The following RORA variants were observed in gnomAD, a reference collection of about 807,000 sequenced individuals.
The protein encoded by RORA is RAR related orphan receptor A, also known as nuclear receptor ROR-alpha.
RORA carries 7 observed loss-of-function variants against 69.5 expected under a neutral mutation model. The ratio of observed to expected loss-of-function variants is 0.10; its 90% confidence interval spans 0.06 to 0.19. The LOEUF (loss-of-function observed/expected upper bound fraction) is 0.19. Among genes scored for constraint, RORA ranks in the 10% least tolerant of loss-of-function variants. The pLI, the probability that RORA is intolerant of heterozygous loss-of-function variation, is 1.00. For missense variants in RORA, 457 were observed against 663.0 expected (o/e 0.69, Z 3.41); for synonymous variants, 261 against 240.8 (o/e 1.08, Z -0.78).
chr15:60,571,576 G>C (rs2067882609), intron 2 of RORA, among the ~76,000 whole-genome samples: 1 of 152,154 alleles, frequency 6.6e-6, no homozygotes, highest in African/African-American at 2.4e-5. Context: ...GGCAGTCTTA[G>C]ATGAAGCATG....
chr15:60,522,485 A>G (rs1595906376), intron 3 of RORA, among the ~76,000 whole-genome samples: 1 of 151,826 alleles, frequency 6.6e-6, no homozygotes, highest in Admixed American at 6.6e-5. Flanking sequence ...TGAGGCAGGA[A>G]GGTGATGGCC....
At chr15:60,695,773 G>A (rs974886796) in intron 1 of RORA, among the ~76,000 whole-genome samples, 1 of 152,010 alleles carries the variant, frequency 6.6e-6, no homozygotes, top group Non-Finnish European at 1.5e-5. Context: ...CTTACTGAAG[G>A]GTGCTTTAAA....
At chr15:61,006,895 T>A (rs1416666931) in intron 1 of RORA, among the ~76,000 whole-genome samples, 1 of 152,128 alleles carries the variant, frequency 6.6e-6, no homozygotes, top group Non-Finnish European at 1.5e-5. Flanking sequence ...TCTTGAAGTG[T>A]CACAAAAATC....
chr15:60,945,156 A>G (rs986665696), intron 1 of RORA, among the ~76,000 whole-genome samples: 5 of 152,182 alleles, frequency 3.3e-5, no homozygotes, highest in African/African-American at 1.2e-4. Flanking sequence ...AACCTATAAA[A>G]TATAATTTCC....
intron 1 of RORA, among the ~76,000 whole-genome samples, chr15:61,018,004 G>A (rs1421289143): frequency 6.6e-6 from 1 of 152,134 alleles, no homozygotes; most frequent in Admixed American, 6.5e-5. Context: ...CAACCTACAT[G>A]ACATAAGCTC....
intron 1 of RORA, among the ~76,000 whole-genome samples, chr15:61,227,700 A>G (rs2080160513): frequency 6.6e-6 from 1 of 151,884 alleles, no homozygotes; most frequent in Non-Finnish European, 1.5e-5. Flanking sequence ...GCCCTCCCCA[A>G]CCGCCGCCAG....
intron 1 of RORA, among the ~76,000 whole-genome samples, chr15:61,214,525 C>G (rs1200479310): frequency 6.6e-6 from 1 of 152,214 alleles, no homozygotes; most frequent in South Asian, 2.1e-4. Flanking sequence ...AATCTCATCT[C>G]TATGGACAAG....
intron 1 of RORA, among the ~76,000 whole-genome samples, chr15:60,716,269 A>C (rs907900757): frequency 6.6e-6 from 1 of 152,172 alleles, no homozygotes; most frequent in African/African-American, 2.4e-5. Flanking sequence ...TATGGCTAGG[A>C]TGGTAGACTT....
At chr15:60,580,416 T>G (rs1342747794) in intron 2 of RORA, among the ~76,000 whole-genome samples, 1 of 152,244 alleles carries the variant, frequency 6.6e-6, no homozygotes, top group African/African-American at 2.4e-5. Flanking sequence ...TTCTCAAGCA[T>G]AATTCCAATC....
chr15:60,873,658 G>C (rs1266078105), intron 1 of RORA, among the ~76,000 whole-genome samples: 1 of 152,112 alleles, frequency 6.6e-6, no homozygotes, highest in Admixed American at 6.5e-5. Context: ...AAACTTAGGG[G>C]GGAAAGCTGC....
intron 1 of RORA, among the ~76,000 whole-genome samples, chr15:60,961,917 C>T (rs758170406): frequency 1.1e-4 from 16 of 152,270 alleles, no homozygotes; most frequent in Admixed American, 3.3e-4. Flanking sequence ...CATATAAACA[C>T]GGAAGGCCTG....
chr15:60,555,830 A>AAACAT (rs2067342099), intron 2 of RORA, among the ~76,000 whole-genome samples: 1 of 152,142 alleles, frequency 6.6e-6, no homozygotes, highest in Non-Finnish European at 1.5e-5. Context: ...GTTTTTTCAA[A>AAACAT]TGCTGGAAAT....
intron 1 of RORA, among the ~76,000 whole-genome samples, chr15:61,139,527 G>T (rs2079277976): frequency 6.6e-6 from 1 of 152,232 alleles, no homozygotes; most frequent in African/African-American, 2.4e-5. Context: ...TGGATTTGCA[G>T]GTGAGAAAAT....
intron 1 of RORA, among the ~76,000 whole-genome samples, chr15:61,204,325 T>A (rs1394912592): frequency 6.6e-6 from 1 of 152,156 alleles, no homozygotes; most frequent in Admixed American, 6.5e-5. Context: ...ACTTAGGAGG[T>A]GCTGCATAAA....
Position 60,890,871 on chromosome 15 carries a change from G to A in RORA, c.167-212185C>T, listed in dbSNP as rs1328495171. On this transcript the variant is annotated intron_variant, in intron 1 of 10. Coordinates refer to ENST00000335670, the MANE Select transcript of RORA (RefSeq NM_134261.3). ...ACAAAACCATACCAAGTTGAAACCA[G>A]AGCAGAAGATATTAATGCAGTGCTC... Among the ~76,000 whole-genome samples the A allele has an allele frequency of 2.6e-5, 4 of 152,292 alleles. No individual in the cohort carries two copies. The South Asian group carries it at 8.3e-4, about 32-fold the overall frequency.
intron 2 of RORA, among the ~76,000 whole-genome samples, chr15:60,542,645 C>G (rs74890957): frequency 0.11 from 13,480 of 119,900 alleles, 845 homozygotes; most frequent in Middle Eastern, 0.19. Flanking sequence ...TCACACACGA[C>G]ACACGGGCAC....
At chr15:60,592,435 G>T (rs749312956) in intron 2 of RORA, 1 of 1,421,350 alleles carries the variant, frequency 7.0e-7, no homozygotes. Context: ...GCGGTGCGGA[G>T]AGCGCAGGGA....
rs2065020928 is a variant in RORA at position 60,490,305 on chromosome 15, C to CA, written c.*7149dup. On this transcript the variant is annotated 3_prime_UTR_variant, in exon 11 of 11. Transcript: ENST00000335670. The surrounding 1 kb of genome is among the most constrained non-coding windows in gnomAD (Gnocchi z 4.1). The stretch of plus-strand genomic sequence containing the variant: ...TCTAGCACCACACATCAGAAAAACA[C>CA]AAAAATAGCACACTCTAGTTCTAAA... 6.6e-6 allele frequency: 1 copy of CA among 151,812 alleles called. No individual in the cohort carries two copies. Among genetic ancestry groups the CA allele is most frequent in the Admixed American group, 6.6e-5 (1 of 15,226 alleles). The allele number at this position is 151,812 out of a possible 1,614,324, so 9.4% of individuals were successfully genotyped here.
intron 2 of RORA, among the ~76,000 whole-genome samples, chr15:60,641,834 A>G (rs1245426670): frequency 3.3e-5 from 5 of 152,236 alleles, no homozygotes; most frequent in Admixed American, 6.5e-5. Context: ...TATTAAGTTT[A>G]CCAAGTAGAG....
Sources: gnomAD v4.1 joint callset for allele counts (sites outside exome capture counted in the v4.1 genomes callset) on GRCh38, gnomAD v4.1.1 for gene constraint, Gnocchi (gnomAD v3.1) non-coding constraint, MANE v1.5 for transcripts, NCBI Gene and HGNC (gene_info 2026-07-23, HGNC 2026-07-21) for gene names.